CFAP74: variants seen among roughly 807,000 people sequenced by gnomAD.
The protein encoded by CFAP74 is cilia and flagella associated protein 74.
In CFAP74, 124 loss-of-function variants were observed where a neutral mutation model predicts 188.9. That is an observed-to-expected ratio of 0.66 (90% CI 0.57 to 0.76). The LOEUF is 0.76. Ranked by LOEUF, CFAP74 falls within the 30% of genes least tolerant of loss-of-function variation. The probability of loss-of-function intolerance (pLI) is 0.00; values close to 1 mark genes in which losing one functional copy is unlikely to be tolerated. For missense variants in CFAP74, 2,198 were observed against 2,165.2 expected (o/e 1.02, Z -0.30); for synonymous variants, 956 against 916.7 (o/e 1.04, Z -0.77).
At chr1:1,930,418 A>C in intron 25 of CFAP74, 82 bp from the exon 26 acceptor site, 11 of 1,366,734 alleles carry the variant, frequency 8.0e-6, no homozygotes, top group Non-Finnish European at 8.7e-6. Flanking sequence ...CACTGGGTGG[A>C]GGACAAGCCC....
chr1:1,927,435 G>C (rs1651996078), intron 28 of CFAP74, 172 bp downstream of exon 28: 1 of 664,256 alleles, frequency 1.5e-6, no homozygotes, highest in African/African-American at 1.8e-5. Context: ...AATGGGGTGG[G>C]TAGGTCCCAG....
Position 1,922,385 on chromosome 1 carries a change from C to T in CFAP74, c.4822G>A (p.Asp1608Asn). Reference protein sequence around the residue: ...SWVPPADFDPDHPLMVSALLQ... With the variant: ...SWVPPADFDPNHPLMVSALLQ... ...AGGGCCGACACCATGAGTGGGTGGT[C>T]TGGCTGGAACAGGAGGGGAGGGGAG... The change falls in exon 39 of 39, where the codon GAC (aspartate) becomes AAC (asparagine). Residue 1608 changes from aspartate to asparagine, a missense_variant. By Grantham distance (23) the Asp-to-Asn change is conservative. Transcript: ENST00000682832. 1 of 1,603,072 alleles carries T rather than the reference C, an allele frequency of 6.2e-7. No individual in the cohort carries two copies. Among genetic ancestry groups the T allele is most frequent in the Non-Finnish European group, 8.5e-7 (1 of 1,177,072 alleles).
chr1:1,941,141 T>C (rs1436594840), intron 22 of CFAP74, among the ~76,000 whole-genome samples: 1 of 151,510 alleles, frequency 6.6e-6, no homozygotes, highest in Non-Finnish European at 1.5e-5. Flanking sequence ...GAAAGAAATA[T>C]CAGGAGAAGT....
At chr1:1,936,316 C>T (rs935740506) in intron 25 of CFAP74, among the ~76,000 whole-genome samples, 2 of 151,638 alleles carry the variant, frequency 1.3e-5, no homozygotes, top group Admixed American at 1.3e-4. Flanking sequence ...GAGGCTGAGG[C>T]GGGTGGACCA....
intron 6 of CFAP74, among the ~76,000 whole-genome samples, chr1:1,978,309 G>A (rs1656580168): frequency 6.6e-6 from 1 of 152,120 alleles, no homozygotes; most frequent in Non-Finnish European, 1.5e-5. Context: ...CTGTTGCCTT[G>A]GGGCGATGCT....
chr1:1,972,832 G>A (rs1237229324), intron 8 of CFAP74, 105 bp downstream of exon 8: 1 of 825,478 alleles, frequency 1.2e-6, no homozygotes, highest in African/African-American at 1.7e-5. Context: ...ACAGAGCAAG[G>A]CTCCATCTTA....
intron 25 of CFAP74, 36 bp downstream of exon 25, chr1:1,938,819 C>T (rs1453871276): frequency 1.3e-6 from 2 of 1,532,838 alleles, no homozygotes; most frequent in East Asian, 2.4e-5. Flanking sequence ...GCGGGCACTC[C>T]AGGCCCCCTG....
chr1:1,978,264 G>C (rs1656577926), intron 6 of CFAP74, among the ~76,000 whole-genome samples: 1 of 152,242 alleles, frequency 6.6e-6, no homozygotes, highest in Admixed American at 6.5e-5. Context: ...GGACTGCGCG[G>C]GGGCCTGGCA....
In CFAP74 at chr1:1,983,002, C is replaced by T. The variant is rs187106819; in HGVS notation, c.500+2384G>A. ...ACTGTGCCCGAAAACGCCCACAGAGCGGCAGACACGAACGCAGGATGCGGA... is the reference window on the plus strand; with the variant it reads ...ACTGTGCCCGAAAACGCCCACAGAGTGGCAGACACGAACGCAGGATGCGGA... On this transcript the variant is annotated intron_variant, in intron 6 of 38. Coordinates refer to ENST00000682832, the MANE Select transcript of CFAP74 (RefSeq NM_001304360.2). Among the ~76,000 whole-genome samples, 249 of 152,312 alleles carry T rather than the reference C, an allele frequency of 1.6e-3. 2 individuals are homozygous for T. Among genetic ancestry groups the T allele is most frequent in the Non-Finnish European group, 2.6e-3 (177 of 68,028 alleles).
intron 1 of CFAP74, among the ~76,000 whole-genome samples, chr1:1,995,832 C>T (rs1657888561): frequency 1.3e-5 from 2 of 151,564 alleles, no homozygotes; most frequent in East Asian, 2.0e-4. Context: ...GGCATGAACC[C>T]GGGAGGCGGA....
At chr1:1,992,636 G>C (rs1470576981) in intron 1 of CFAP74, among the ~76,000 whole-genome samples, 1 of 151,624 alleles carries the variant, frequency 6.6e-6, no homozygotes, top group East Asian at 2.0e-4. Flanking sequence ...ACTACGCCCA[G>C]CTAATTTTTT....
Position 1,926,493 on chromosome 1 carries a change from C to A in CFAP74, c.3792G>T (p.Lys1264Asn), listed in dbSNP as rs763696117. The change falls in exon 31 of 39, where the codon AAG becomes AAT. Residue 1264 changes from lysine (K) to asparagine (N), a missense_variant. By Grantham distance (94) the Lys-to-Asn change is moderately conservative. Coordinates refer to ENST00000682832, the MANE Select transcript of CFAP74 (RefSeq NM_001304360.2). ...DVAVGHRSIKKISIQNVSPED... is the reference protein window; with the variant it reads ...DVAVGHRSIKNISIQNVSPED... ...CGGGAGAGACGTTCTGGATGGAGAT[C>A]TTCTTGATACTGCGGTGCCCTGAAA... 7.1e-6 allele frequency: 11 copies of A among 1,550,156 alleles called. No homozygotes were observed. In the South Asian group the frequency reaches 1.3e-4, roughly 18 times the overall value.
chr1:1,972,134 G>T, intron 8 of CFAP74, 52 bp from the exon 9 acceptor site: 1 of 1,379,396 alleles, frequency 7.2e-7, no homozygotes, highest in Non-Finnish European at 1.0e-6. Flanking sequence ...AGGCTGGTGT[G>T]CAGTGGTGCG....
chr1:1,984,299 ACT>A (rs1491178206), intron 6 of CFAP74: 112 of 141,452 alleles, frequency 7.9e-4, no homozygotes, highest in African/African-American at 2.9e-3. Context: ...CAGCCCAAAA[ACT>A]TTTTTTTTTT....
chr1:1,938,330 G>A (rs1346379268), intron 25 of CFAP74, among the ~76,000 whole-genome samples: 1 of 99,662 alleles, frequency 1.0e-5, no homozygotes, highest in Non-Finnish European at 2.2e-5. Context: ...CACACACAAG[G>A]CACTCACACA....
chr1:1,922,977 G>T lies in CFAP74; in HGVS notation c.4683+8C>A. The T allele has an allele frequency of 6.4e-7, 1 of 1,572,300 alleles. No individual in the cohort carries two copies. The highest frequency in any genetic ancestry group is 8.6e-7 in the Non-Finnish European group (1 of 1,161,866). The stretch of plus-strand genomic sequence containing the variant: ...GCCTGGTGTCCCCAGGGGCAGTGCT[G>T]TGGGCACCTTCTTTGGAGATGGCTG... On this transcript the variant is annotated splice_region_variant and intron_variant, in intron 37 of 38. Transcript: ENST00000682832.
chr1:1,930,382 T>C (rs890248888), intron 25 of CFAP74, 46 bp from the exon 26 acceptor site: 10 of 1,472,346 alleles, frequency 6.8e-6, no homozygotes, highest in Admixed American at 2.2e-5. Context: ...AGGGCGTCCG[T>C]GTCCCTCTGC....
At chr1:1,986,310 T>C (rs1657232919) in intron 5 of CFAP74, among the ~76,000 whole-genome samples, 1 of 152,198 alleles carries the variant, frequency 6.6e-6, no homozygotes, top group Admixed American at 6.5e-5. Context: ...TGCTTAAACC[T>C]GGAGGGGCAG....
chr1:1,956,491 C>A (rs1337434580), intron 17 of CFAP74, 129 bp downstream of exon 17: 4 of 1,104,564 alleles, frequency 3.6e-6, no homozygotes, highest in South Asian at 1.4e-5. Flanking sequence ...TTTGAGGAGG[C>A]CCCCACACTG....
Sources: gnomAD v4.1 joint callset for allele counts (sites outside exome capture counted in the v4.1 genomes callset) on GRCh38, gnomAD v4.1.1 for gene constraint, MANE v1.5 for transcripts, NCBI Gene and HGNC (gene_info 2026-07-23, HGNC 2026-07-21) for gene names.